NOL4: variants seen among roughly 807,000 people sequenced by gnomAD.
NOL4 encodes cancer/testis antigen 125.
NOL4 carries 17 observed loss-of-function variants against 75.9 expected under a neutral mutation model. The observed-to-expected ratio is 0.22, with a 90% CI of 0.15 to 0.34. The LOEUF (loss-of-function observed/expected upper bound fraction) is 0.34, where lower values mean the gene tolerates loss of function less well. NOL4 is among the 10% of genes least tolerant of loss of function. The pLI is 1.00. For synonymous variants in NOL4, 292 were observed against 289.9 expected, an observed-to-expected ratio of 1.01 and a Z score of -0.07; for missense variants, 614 against 793.5, an observed-to-expected ratio of 0.77 and a Z score of 2.72.
chr18:33,927,737 AAATTT>A (rs1280302633), intron 9 of NOL4, among the ~76,000 whole-genome samples: 6 of 152,210 alleles, frequency 3.9e-5, no homozygotes, highest in African/African-American at 9.6e-5. Context: ...AAAGTAAAAT[AAATTT>A]AAATCAGTAA....
intron 10 of NOL4, among the ~76,000 whole-genome samples, chr18:33,876,577 C>T (rs563808037): frequency 1.3e-5 from 2 of 152,028 alleles, no homozygotes; most frequent in African/African-American, 4.8e-5. Flanking sequence ...AAGATTTATG[C>T]ATATGTATGT....
At position 33,975,548 on chromosome 18, in the gene NOL4, C is replaced by T. The variant is rs150684181; in HGVS notation, c.1057-17130G>A. On this transcript the variant is annotated intron_variant, in intron 6 of 10. Coordinates refer to ENST00000261592, the MANE Select transcript of NOL4 (RefSeq NM_003787.5). ...CAGCACTTTGGGAGGCCAAGGCGGG[C>T]AGATCACGAGGTCAGGAGTTTGAGA... Among the ~76,000 whole-genome samples the T allele has an allele frequency of 7.0e-3, 1,069 of 152,174 alleles. 12 individuals carry two copies. The highest frequency in any genetic ancestry group is 0.023 in the African/African-American group (938 of 41,534).
At chr18:33,858,711 C>CA (rs1310922225) in intron 10 of NOL4, among the ~76,000 whole-genome samples, 6 of 151,904 alleles carry the variant, frequency 3.9e-5, no homozygotes, top group Non-Finnish European at 7.4e-5. Context: ...CTCTTTTATC[C>CA]ATTTTTCCTT....
intron 5 of NOL4, among the ~76,000 whole-genome samples, chr18:34,083,872 T>C (rs955850866): frequency 2.6e-5 from 4 of 152,140 alleles, no homozygotes; most frequent in Non-Finnish European, 5.9e-5. Context: ...TGGACGTTGT[T>C]GTTGTTTCTT....
intron 1 of NOL4, among the ~76,000 whole-genome samples, chr18:34,161,896 C>T (rs1467597577): frequency 6.6e-6 from 1 of 152,040 alleles, no homozygotes; most frequent in African/African-American, 2.4e-5. Context: ...GATTATTTTT[C>T]TAAGGAATTT....
intron 5 of NOL4, among the ~76,000 whole-genome samples, chr18:34,085,395 G>A (rs1468802473): frequency 6.6e-6 from 1 of 152,112 alleles, no homozygotes; most frequent in Non-Finnish European, 1.5e-5. Context: ...AACCAAAAGA[G>A]CAATATCTCA....
intron 2 of NOL4, among the ~76,000 whole-genome samples, chr18:34,110,168 G>T (rs1234956385): frequency 7.1e-6 from 1 of 140,118 alleles, no homozygotes; most frequent in Non-Finnish European, 1.5e-5. Flanking sequence ...AAAAAATACT[G>T]GGTAGGAGGG....
rs2037495445 is a variant in NOL4, at chr18:34,224,411, G to A, written c.-1158C>T. On this transcript the variant is annotated 5_prime_UTR_variant, in exon 1 of 11. Transcript: ENST00000261592. The stretch of plus-strand genomic sequence containing the variant: ...CACTGCTCTGAGTAGCCAAATATGA[G>A]TTCCTCTGGACTATTTTTCCAAGCA... The A allele has an allele frequency of 6.6e-6, 1 of 152,292 alleles. No individual in the cohort carries two copies. The highest frequency in any genetic ancestry group is 6.5e-5 in the Admixed American group (1 of 15,280). The allele number at this position is 152,292 out of a possible 1,614,324, so 9.4% of individuals were successfully genotyped here.
At chr18:33,975,697 C>T (rs1366702092) in intron 6 of NOL4, among the ~76,000 whole-genome samples, 2 of 152,192 alleles carry the variant, frequency 1.3e-5, no homozygotes, top group African/African-American at 4.8e-5. Context: ...ATTGCTTGAA[C>T]CTAGGAGGCA....
intron 5 of NOL4, among the ~76,000 whole-genome samples, chr18:34,053,454 T>C (rs976377859): frequency 6.6e-6 from 1 of 151,818 alleles, no homozygotes; most frequent in Non-Finnish European, 1.5e-5. Flanking sequence ...GAAGGAAACA[T>C]ATGGAGAAAA....
intron 10 of NOL4, among the ~76,000 whole-genome samples, chr18:33,860,089 T>G (rs67240801): frequency 0.15 from 23,077 of 151,890 alleles, 1,903 homozygotes; most frequent in Non-Finnish European, 0.19. Flanking sequence ...AGAGCACATG[T>G]GAAGGTGGAA....
intron 10 of NOL4, 34 bp from the exon 11 acceptor site, chr18:33,853,069 ATAT>A (rs763178997): frequency 5.8e-6 from 9 of 1,543,844 alleles, no homozygotes; most frequent in Non-Finnish European, 5.3e-6. Flanking sequence ...TTAGACATAA[ATAT>A]TATTTGTTCC....
chr18:34,127,785 G>T (rs2080453258), intron 2 of NOL4, among the ~76,000 whole-genome samples: 1 of 151,816 alleles, frequency 6.6e-6, no homozygotes, highest in Non-Finnish European at 1.5e-5. Context: ...GCATAAAAAG[G>T]AAATGTTTCC....
intron 2 of NOL4, among the ~76,000 whole-genome samples, chr18:34,114,692 T>C (rs948333986): frequency 2.6e-5 from 4 of 152,178 alleles, no homozygotes; most frequent in African/African-American, 7.2e-5. Flanking sequence ...TTTTGATAAA[T>C]TGGTTGACTG....
At chr18:33,898,470 ATT>A (rs1384200757) in intron 9 of NOL4, among the ~76,000 whole-genome samples, 1 of 152,118 alleles carries the variant, frequency 6.6e-6, no homozygotes. Context: ...CCCTTGAAAA[ATT>A]TTTAATTATG....
chr18:34,218,668 T>C (rs2037084480), intron 1 of NOL4, among the ~76,000 whole-genome samples: 1 of 151,966 alleles, frequency 6.6e-6, no homozygotes, highest in African/African-American at 2.4e-5. Context: ...GACCCCCAAA[T>C]CCTATGCTAC....
chr18:33,866,959 C>A (rs1229435099), intron 10 of NOL4, among the ~76,000 whole-genome samples: 1 of 151,994 alleles, frequency 6.6e-6, no homozygotes, highest in African/African-American at 2.4e-5. Context: ...CCTATGAGGT[C>A]AAAAATATCA....
intron 1 of NOL4, chr18:34,158,714 A>G (rs2030899765): frequency 6.6e-6 from 1 of 152,208 alleles, no homozygotes; most frequent in African/African-American, 2.4e-5. Flanking sequence ...AAAACTAGGG[A>G]TTCTACATAT....
intron 6 of NOL4, among the ~76,000 whole-genome samples, chr18:33,992,797 A>G (rs2073017564): frequency 6.6e-6 from 1 of 152,038 alleles, no homozygotes; most frequent in Non-Finnish European, 1.5e-5. Context: ...ACTAGAGCTC[A>G]GTTCCTAAGG....
Sources: allele counts gnomAD v4.1 joint callset (sites outside exome capture counted in the v4.1 genomes callset), GRCh38; gene constraint gnomAD v4.1.1; transcripts MANE v1.5; gene names NCBI Gene and HGNC (gene_info 2026-07-23, HGNC 2026-07-21).